The following CLPX variants were observed in gnomAD, a reference collection of about 807,000 sequenced individuals.
CLPX encodes the protein ATP-dependent clpX-like chaperone, mitochondrial.
A neutral mutation model predicts 76.4 loss-of-function variants in CLPX; 34 were observed. That is an observed-to-expected ratio of 0.45 (90% confidence interval 0.34 to 0.59). CLPX has a LOEUF of 0.59. CLPX is among the 20% of genes least tolerant of loss of function. The probability of loss-of-function intolerance (pLI) is 0.01; values close to 1 mark genes in which losing one functional copy is unlikely to be tolerated. For synonymous variants in CLPX, 248 were observed against 270.9 expected, an observed-to-expected ratio of 0.92 and a Z score of 0.83; for missense variants, 613 against 757.0, an observed-to-expected ratio of 0.81 and a Z score of 2.23.
chr15:65,178,101 C>T (rs555276610), intron 3 of CLPX, among the ~76,000 whole-genome samples: 1 of 152,288 alleles, frequency 6.6e-6, no homozygotes, highest in East Asian at 1.9e-4. Context: ...GCCCTGATTT[C>T]TTCCTTCTCT....
rs943200133 is a variant in CLPX at position 65,168,863 on chromosome 15, T to C, written c.359-2078A>G. Among the ~76,000 whole-genome samples the C allele has an allele frequency of 2.1e-5, 3 of 143,998 alleles. No homozygotes were observed. In the East Asian group the frequency reaches 6.0e-4, roughly 29 times the overall value. 94.5% of individuals were successfully genotyped at this position (143,998 alleles called of 152,430 possible). ...AAAGGTGATTTATTTTTCTTTTCTC[T>C]TTTTTTTTTTTGAGACAGGGTATCG... is the stretch of plus-strand genomic sequence containing the variant. On this transcript the variant is annotated intron_variant, in intron 3 of 13. Transcript: ENST00000300107.
chr15:65,185,013 C>T (rs1446408792), intron 1 of CLPX, 62 bp downstream of exon 1: 9 of 1,447,314 alleles, frequency 6.2e-6, no homozygotes, highest in African/African-American at 1.4e-5. Context: ...GGCCCCCAAC[C>T]ATTGGCCAGT....
intron 1 of CLPX, 72 bp downstream of exon 1, chr15:65,185,003 G>C: frequency 7.3e-7 from 1 of 1,373,548 alleles, no homozygotes; most frequent in South Asian, 1.2e-5. Context: ...CCCTCCCCGG[G>C]GCCCCCAACC....
chr15:65,164,008 G>A (rs756462833), intron 5 of CLPX, 21 bp downstream of exon 5: 1 of 1,604,576 alleles, frequency 6.2e-7, no homozygotes, highest in South Asian at 1.1e-5. Flanking sequence ...CTCTATTTAG[G>A]TCAATTATCA....
At chr15:65,157,476 G>C (rs906843791) in intron 8 of CLPX, among the ~76,000 whole-genome samples, 4 of 152,126 alleles carry the variant, frequency 2.6e-5, no homozygotes, top group African/African-American at 9.7e-5. Context: ...GTCTTGAGGG[G>C]AGTTAAAACA....
intron 3 of CLPX, among the ~76,000 whole-genome samples, chr15:65,178,564 A>T (rs773030208): frequency 1.3e-5 from 2 of 151,958 alleles, no homozygotes; most frequent in African/African-American, 2.4e-5. Context: ...TACAATTTAT[A>T]TATATATATT....
intron 1 of CLPX, among the ~76,000 whole-genome samples, chr15:65,180,484 T>G (rs774248282): frequency 1.1e-4 from 17 of 152,202 alleles, no homozygotes; most frequent in Non-Finnish European, 2.2e-4. Flanking sequence ...TTTTCAAAGT[T>G]TGAATGGACT....
chr15:65,180,659 T>C (rs2088154829), intron 1 of CLPX, among the ~76,000 whole-genome samples: 1 of 152,092 alleles, frequency 6.6e-6, no homozygotes, highest in Admixed American at 6.6e-5. Flanking sequence ...CCTAGCATTT[T>C]GGGAGGCCTA....
chr15:65,184,726 C>A (rs2088231405), intron 1 of CLPX, among the ~76,000 whole-genome samples: 1 of 152,246 alleles, frequency 6.6e-6, no homozygotes, highest in South Asian at 2.1e-4. Flanking sequence ...GGCGGCGGTC[C>A]CCGGCAGGGC....
intron 3 of CLPX, among the ~76,000 whole-genome samples, chr15:65,177,954 C>A (rs1246735059): frequency 6.6e-6 from 1 of 152,046 alleles, no homozygotes; most frequent in Non-Finnish European, 1.5e-5. Context: ...CACCACCATG[C>A]CTAGCTAATT....
rs576084667 is a variant in CLPX at position 65,149,805 on chromosome 15, A to T, written c.*1018T>A. 55 of 198,500 alleles carry T rather than the reference A, an allele frequency of 2.8e-4. No individual in the cohort carries two copies. Among genetic ancestry groups the T allele is most frequent in the Non-Finnish European group, 5.1e-4 (49 of 95,694 alleles). 12.3% of individuals were successfully genotyped at this position (198,500 alleles called of 1,614,324 possible). The stretch of plus-strand genomic sequence containing the variant: ...AACCTGGGAGGCGGAGGTTGCAGTG[A>T]GCCAAGATCGCACCACTGCACTTCA... On this transcript the variant is annotated 3_prime_UTR_variant, in exon 14 of 14. Coordinates refer to ENST00000300107, the MANE Select transcript of CLPX (RefSeq NM_006660.5).
chr15:65,174,158 A>G (rs1191770921), intron 3 of CLPX, among the ~76,000 whole-genome samples: 1 of 152,072 alleles, frequency 6.6e-6, no homozygotes, highest in African/African-American at 2.4e-5. Flanking sequence ...TATTTTTATT[A>G]GAGACGGGGT....
rs1274908983 is a variant in CLPX, at chr15:65,158,671, G to T, written c.796C>A (p.Pro266Thr). Residue 266 changes from proline (P) to threonine (T), a missense_variant, in exon 7 of 14, where the codon CCT (proline) becomes ACT (threonine). This residue lies in a region of CLPX where 450 missense variants were observed against 638.6 expected (regional missense o/e 0.70). Transcript: ENST00000300107. ...ACTTCACCTCCTCGTTTTTCCTGAG[G>T]TATTTGTTGATTTACCTGTTGCTGC... ...SMQQQVNQQI[P>T]QEKRGGEVLD... 6.2e-7 allele frequency: 1 copy of T among 1,613,528 alleles called. No individual in the cohort carries two copies. The highest frequency in any genetic ancestry group is 1.3e-5 in the African/African-American group (1 of 74,846).
chr15:65,185,169 G>C lies in CLPX; in HGVS notation c.-16C>G. The C allele has an allele frequency of 6.4e-7, 1 of 1,555,396 alleles. No homozygotes were observed. Among genetic ancestry groups the C allele is most frequent in the Admixed American group, 2.0e-5 (1 of 51,074 alleles). ...AGCTGGGCATCTCCGCGAGGCCTAG[G>C]CCGGGGCTTCGCCCCCTGAGGACCT... On this transcript the variant is annotated 5_prime_UTR_variant, in exon 1 of 14. Transcript: ENST00000300107.
In CLPX at chr15:65,155,804, G is replaced by C. The variant is rs762356000; in HGVS notation, c.1199C>G (p.Ser400Cys). The C allele has an allele frequency of 4.3e-6, 7 of 1,613,894 alleles. No individual in the cohort carries two copies. In the South Asian group the frequency reaches 6.6e-5, roughly 15 times the overall value. ...GTIVNVPEKN[S>C]RKLRGETVQV... is the part of the protein sequence containing the mutation. ...AACTGTTTCTCCACGGAGCTTTCGGGAATTCTTTTCTGGAACATTGACTAT... is the reference window on the plus strand; with the variant it reads ...AACTGTTTCTCCACGGAGCTTTCGGCAATTCTTTTCTGGAACATTGACTAT... Residue 400 changes from serine (S) to cysteine (C), a missense_variant, in exon 10 of 14, where the codon TCC becomes TGC. Around this residue, in one of 2 missense-constraint regions of CLPX, gnomAD observed 450 missense variants for 638.6 expected, o/e 0.70. Transcript: ENST00000300107.
At position 65,160,623 on chromosome 15, in the gene CLPX, T is replaced by TCTCTCTCTCTCTCA. The variant is rs1219208926; in HGVS notation, c.716-1873_716-1872insTGAGAGAGAGAGAG. On this transcript the variant is annotated intron_variant, in intron 6 of 13. Coordinates refer to ENST00000300107, the MANE Select transcript of CLPX (RefSeq NM_006660.5). ...CTCTCTCTCTCTCTCTCTCTCTCTC[T>TCTCTCTCTCTCTCA]CACACACACACACACACACACACAC... is the stretch of plus-strand genomic sequence containing the variant. 1.6e-4 allele frequency among the ~76,000 whole-genome samples: 16 copies of TCTCTCTCTCTCTCA among 101,032 alleles called. 1 individual carries two copies. The highest frequency in any genetic ancestry group is 6.0e-4 in the African/African-American group (16 of 26,546). 66.3% of individuals were successfully genotyped at this position (101,032 alleles called of 152,430 possible). A position where few individuals can be genotyped will look rare whatever the true frequency, so the allele number is the denominator to read the frequency against.
In CLPX at chr15:65,150,469, T is replaced by A. The variant is rs1595934619; in HGVS notation, c.*354A>T. 6.1e-6 allele frequency: 1 copy of A among 164,514 alleles called. No homozygotes were observed. Among genetic ancestry groups the A allele is most frequent in the Non-Finnish European group, 1.3e-5 (1 of 76,166 alleles). 10.2% of individuals were successfully genotyped at this position (164,514 alleles called of 1,614,324 possible). ...TCTCAATATTCAATTTTAAAGAATT[T>A]ATTTTCCCATTTGTAGAGTAACATT... is the stretch of plus-strand genomic sequence containing the variant. On this transcript the variant is annotated 3_prime_UTR_variant, in exon 14 of 14. Transcript: ENST00000300107.
In CLPX at chr15:65,162,782, A is replaced by G. The variant is rs2087869146; in HGVS notation, c.674-137T>C. 7.1e-6 allele frequency: 4 copies of G among 559,976 alleles called. No individual in the cohort carries two copies. The South Asian group carries it at 9.8e-5, about 14-fold the overall frequency. 34.7% of individuals were successfully genotyped at this position (559,976 alleles called of 1,614,324 possible). A position where few individuals can be genotyped will look rare whatever the true frequency, so the allele number is the denominator to read the frequency against. On this transcript the variant is annotated intron_variant, in intron 5 of 13. Coordinates refer to ENST00000300107, the MANE Select transcript of CLPX (RefSeq NM_006660.5). ...TTTTTCAGCTTTTCATATATGCTATATCTTTTCTATATTAAAACAAAACCA... is the reference window on the plus strand; with the variant it reads ...TTTTTCAGCTTTTCATATATGCTATGTCTTTTCTATATTAAAACAAAACCA...
At chr15:65,183,460 C>CAAA (rs61002905) in intron 1 of CLPX, among the ~76,000 whole-genome samples, 937 of 65,202 alleles carry the variant, frequency 0.014, no homozygotes, top group East Asian at 0.017. Context: ...GACTCTGTCT[C>CAAA]AAAAAAAAAA....
Sources: gnomAD v4.1 joint callset for allele counts (sites outside exome capture counted in the v4.1 genomes callset) on GRCh38, gnomAD v4.1.1 for gene constraint, gnomAD v4.1.1 regional missense constraint, MANE v1.5 for transcripts, NCBI Gene and HGNC (gene_info 2026-07-23, HGNC 2026-07-21) for gene names.